Variants in DSCAM observed in about 807,000 individuals in gnomAD.
The protein encoded by DSCAM is cell adhesion molecule DSCAM.
In DSCAM, 47 loss-of-function variants were observed where a neutral mutation model predicts 217.7. The ratio of observed to expected loss-of-function variants is 0.22; its 90% confidence interval spans 0.17 to 0.28. The LOEUF (loss-of-function observed/expected upper bound fraction) is 0.28, where lower values mean the gene tolerates loss of function less well. Ranked by LOEUF, DSCAM falls within the 10% of genes least tolerant of loss-of-function variation. The pLI is 1.00. For synonymous variants in DSCAM, 1,056 were observed against 1,015.3 expected, an observed-to-expected ratio of 1.04 and a Z score of -0.76; for missense variants, 2,080 against 2,618.3, an observed-to-expected ratio of 0.79 and a Z score of 4.49.
Position 40,012,957 on chromosome 21 carries a change from G to T in DSCAM, c.*77C>A. The stretch of plus-strand genomic sequence containing the variant: ...CAATTTTCTTTAATTATAAATATTG[G>T]AATTCCGTAAAAAAAAGGTAGCTTT... On this transcript the variant is annotated 3_prime_UTR_variant, in exon 33 of 33. Transcript: ENST00000400454. 9.3e-7 allele frequency: 1 copy of T among 1,072,974 alleles called. No homozygotes were observed. The highest frequency in any genetic ancestry group is 1.2e-6 in the Non-Finnish European group (1 of 813,106). The allele number at this position is 1,072,974 out of a possible 1,614,324, so 66.5% of individuals were successfully genotyped here.
At position 40,444,211 on chromosome 21, in the gene DSCAM, C is replaced by T. The variant is rs956752088; in HGVS notation, c.509-74966G>A. 2.0e-5 allele frequency among the ~76,000 whole-genome samples: 3 copies of T among 152,086 alleles called. No individual in the cohort carries two copies. The East Asian group carries it at 5.8e-4, about 29-fold the overall frequency. On this transcript the variant is annotated intron_variant, in intron 3 of 32. Transcript: ENST00000400454. ...ATTGTGGCCAATCTATCATTTTTCC[C>T]ACTGTTTGCCATTCCCTGAGGGTAT...
At chr21:40,177,845 G>A (rs992977993) in intron 15 of DSCAM, among the ~76,000 whole-genome samples, 2 of 152,178 alleles carry the variant, frequency 1.3e-5, no homozygotes, top group Non-Finnish European at 2.9e-5. Flanking sequence ...TGGGAAGGAA[G>A]CCAAGATCAA....
chr21:40,278,877 A>G (rs77281513), intron 10 of DSCAM, among the ~76,000 whole-genome samples: 5,477 of 152,314 alleles, frequency 0.036, 317 homozygotes, highest in African/African-American at 0.12. Context: ...CTTATTTACA[A>G]AAACAAAAAC....
intron 20 of DSCAM, among the ~76,000 whole-genome samples, chr21:40,102,747 C>T (rs1369325636): frequency 2.6e-5 from 4 of 152,274 alleles, no homozygotes; most frequent in East Asian, 3.9e-4. Flanking sequence ...AATTCATTTC[C>T]GAACCCCTCA....
At chr21:40,191,881 T>C (rs1601426163) in intron 11 of DSCAM, among the ~76,000 whole-genome samples, 1 of 152,202 alleles carries the variant, frequency 6.6e-6, no homozygotes, top group South Asian at 2.1e-4. Context: ...TCTTTTCACA[T>C]GGACTTCTTA....
At chr21:40,191,412 T>C (rs1321520437) in intron 11 of DSCAM, among the ~76,000 whole-genome samples, 4 of 152,192 alleles carry the variant, frequency 2.6e-5, no homozygotes, top group African/African-American at 9.7e-5. Context: ...GTGAAATTCC[T>C]TTTCTGGCAT....
chr21:40,484,751 A>C (rs762508399), intron 3 of DSCAM, among the ~76,000 whole-genome samples: 1 of 152,168 alleles, frequency 6.6e-6, no homozygotes, highest in Non-Finnish European at 1.5e-5. Context: ...TGCTGCTGAC[A>C]TAAGTCTGCT....
chr21:40,695,947 C>G (rs2090590253), intron 2 of DSCAM, among the ~76,000 whole-genome samples: 1 of 152,140 alleles, frequency 6.6e-6, no homozygotes, highest in Admixed American at 6.5e-5. Flanking sequence ...ATATATCTCT[C>G]AGAGGGCCAT....
chr21:40,169,909 C>T (rs1477520280), intron 15 of DSCAM, among the ~76,000 whole-genome samples: 1 of 152,130 alleles, frequency 6.6e-6, no homozygotes, highest in Non-Finnish European at 1.5e-5. Flanking sequence ...ACTCTGATAC[C>T]CCACTCCCAC....
At chr21:40,095,142 G>A (rs753625694) in intron 20 of DSCAM, among the ~76,000 whole-genome samples, 2 of 152,208 alleles carry the variant, frequency 1.3e-5, no homozygotes, top group Non-Finnish European at 2.9e-5. Flanking sequence ...TGGCAGGCAA[G>A]AAAGAATGAG....
At chr21:40,483,169 G>A (rs1292356818) in intron 3 of DSCAM, among the ~76,000 whole-genome samples, 2 of 152,202 alleles carry the variant, frequency 1.3e-5, no homozygotes, top group Admixed American at 1.3e-4. Flanking sequence ...AAGTAAACAT[G>A]CAGGTGCATC....
intron 21 of DSCAM, among the ~76,000 whole-genome samples, chr21:40,090,083 G>GAC (rs919214087): frequency 2.0e-5 from 3 of 152,150 alleles, no homozygotes; most frequent in African/African-American, 7.2e-5. Flanking sequence ...ATGCTTCAGA[G>GAC]ACACCATCCA....
chr21:40,081,964 A>T (rs1460517563), intron 24 of DSCAM, among the ~76,000 whole-genome samples: 2 of 152,056 alleles, frequency 1.3e-5, no homozygotes, highest in Non-Finnish European at 2.9e-5. Flanking sequence ...ATTTCATTTG[A>T]GCCTAAAACC....
intron 3 of DSCAM, among the ~76,000 whole-genome samples, chr21:40,679,099 A>G (rs901103746): frequency 2.0e-5 from 3 of 152,240 alleles, no homozygotes; most frequent in African/African-American, 7.2e-5. Flanking sequence ...TGATTGGCCA[A>G]CACAGGCACT....
intron 4 of DSCAM, among the ~76,000 whole-genome samples, chr21:40,358,031 G>C (rs1037569495): frequency 5.3e-5 from 8 of 152,126 alleles, no homozygotes; most frequent in Admixed American, 1.3e-4. Flanking sequence ...AGTAGAGTTG[G>C]AGAAGGTGGC....
intron 3 of DSCAM, among the ~76,000 whole-genome samples, chr21:40,659,228 C>T (rs947149274): frequency 2.0e-5 from 3 of 152,124 alleles, no homozygotes; most frequent in African/African-American, 7.2e-5. Context: ...AAAATAAAAC[C>T]TTGGCCCCAT....
intron 11 of DSCAM, among the ~76,000 whole-genome samples, chr21:40,235,594 A>G (rs1366421557): frequency 1.3e-5 from 2 of 152,052 alleles, no homozygotes; most frequent in African/African-American, 4.8e-5. Context: ...ATGGCACCAC[A>G]CCCATGAGGG....
rs376769283 is a variant in DSCAM at position 40,053,261 on chromosome 21, A to T, written c.5036-1154T>A. On this transcript the variant is annotated intron_variant, in intron 29 of 32. Transcript: ENST00000400454. ...AGGAAAGGCTGCCAAGATGTCTGTG[A>T]GTATCCCAGCGCATGGTGCGGTGAG... Among the ~76,000 whole-genome samples the T allele has an allele frequency of 9.6e-4, 147 of 152,368 alleles. 2 individuals carry two copies. In the South Asian group the frequency reaches 0.03, roughly 31 times the overall value.
chr21:40,128,139 C>T (rs1015358307), intron 19 of DSCAM, among the ~76,000 whole-genome samples: 1 of 150,932 alleles, frequency 6.6e-6, no homozygotes, highest in Non-Finnish European at 1.5e-5. Flanking sequence ...GGTGATCTAT[C>T]AACGTCTGTC....
Sources: allele counts gnomAD v4.1 joint callset (sites outside exome capture counted in the v4.1 genomes callset), GRCh38; gene constraint gnomAD v4.1.1; transcripts MANE v1.5; gene names NCBI Gene and HGNC (gene_info 2026-07-23, HGNC 2026-07-21).